Variants in ADH6 observed in about 807,000 individuals in gnomAD.
ADH6 encodes alcohol dehydrogenase 6 (class V).
ADH6 carries 34 observed loss-of-function variants against 36.5 expected under a neutral mutation model. The observed-to-expected ratio is 0.93, with a 90% confidence interval of 0.71 to 1.24. ADH6 has a LOEUF of 1.24. Among genes scored for constraint, ADH6 ranks in the 50% most tolerant of loss-of-function variants. The pLI is 0.00. For missense variants in ADH6, 440 were observed against 447.0 expected (o/e 0.98, Z 0.14); for synonymous variants, 161 against 155.5 (o/e 1.04, Z -0.26).
In ADH6 at chr4:99,210,307, GACAAA is replaced by G; in HGVS notation, c.351-14_351-10del. The G allele has an allele frequency of 6.2e-7, 1 of 1,609,958 alleles. No homozygotes were observed. Among genetic ancestry groups the G allele is most frequent in the Non-Finnish European group, 8.5e-7 (1 of 1,177,006 alleles). ...GTTGGGTTTTTGACTGTCTTTTATA[GACAAA>G]ACAAAAAACAAAACACAAAGTTTAT... is the stretch of plus-strand genomic sequence containing the variant. On this transcript the variant is annotated splice_polypyrimidine_tract_variant and intron_variant, in intron 4 of 8. Transcript: ENST00000394899.
In ADH6 at chr4:99,217,928, T is replaced by C. The variant is rs376599332; in HGVS notation, c.18+1207A>G. Among the ~76,000 whole-genome samples, 33 of 152,258 alleles carry C rather than the reference T, an allele frequency of 2.2e-4. 1 individual carries two copies. The highest frequency in any genetic ancestry group is 7.2e-4 in the African/African-American group (30 of 41,544). Reference sequence around the variant, plus strand: ...CATCAAATGGTGTCTCTTGGCAGATTGAGGTTGGAGAAGTTGTTGGTGGCA... The same window carrying C: ...CATCAAATGGTGTCTCTTGGCAGATCGAGGTTGGAGAAGTTGTTGGTGGCA... On this transcript the variant is annotated intron_variant, in intron 1 of 8. Transcript: ENST00000394899.
intron 1 of ADH6, among the ~76,000 whole-genome samples, chr4:99,217,078 C>T (rs944736196): frequency 1.3e-5 from 2 of 152,068 alleles, no homozygotes; most frequent in Non-Finnish European, 2.9e-5. Flanking sequence ...CTCTGTTGCC[C>T]AGGCTGGAGT....
intron 3 of ADH6, 147 bp from the exon 4 acceptor site, chr4:99,210,649 A>C (rs1360648338): frequency 3.1e-6 from 2 of 647,278 alleles, no homozygotes; most frequent in East Asian, 5.5e-5. Flanking sequence ...TACCACAAAG[A>C]ATATCAAATA....
chr4:99,210,355 A>G, intron 4 of ADH6, 57 bp from the exon 5 acceptor site: 4 of 1,597,836 alleles, frequency 2.5e-6, no homozygotes, highest in Non-Finnish European at 3.4e-6. Context: ...TAGAAAGCTT[A>G]GATCTTCTCC....
chr4:99,208,976 C>T lies in ADH6; in HGVS notation c.568-48G>A, dbSNP rs200974246. 15 of 1,571,320 alleles carry T rather than the reference C, an allele frequency of 9.5e-6. No homozygotes were observed. In the East Asian group the frequency reaches 3.1e-4, roughly 33 times the overall value. On this transcript the variant is annotated intron_variant, in intron 5 of 8. Transcript: ENST00000394899. ...CTCAGAAAACAAAAAGCAAAGAGAA[C>T]ATACACCTTTACTCAGTTGGGAAGG...
intron 7 of ADH6, 43 bp from the exon 8 acceptor site, chr4:99,205,106 A>G: frequency 6.6e-7 from 1 of 1,520,632 alleles, no homozygotes; most frequent in South Asian, 1.3e-5. Flanking sequence ...ATGAGGCTTC[A>G]TTATAAAGGA....
In ADH6 at chr4:99,216,168, C is replaced by A. The variant is rs372810923; in HGVS notation, c.113G>T (p.Arg38Leu). 3 of 1,180,778 alleles carry A rather than the reference C, an allele frequency of 2.5e-6. No individual in the cohort carries two copies. The African/African-American group carries it at 6.3e-5, about 25-fold the overall frequency. 73.1% of individuals were successfully genotyped at this position (1,180,778 alleles called of 1,614,324 possible). A position where few individuals can be genotyped will look rare whatever the true frequency, so the allele number is the denominator to read the frequency against. Residue 38 changes from arginine to leucine, a missense_variant, in exon 2 of 9, where the codon CGC becomes CTC. Coordinates refer to ENST00000394899, the MANE Select transcript of ADH6 (RefSeq NM_001102470.2). The part of the protein sequence containing the change: ...EVAPPKAKEV[R>L]IKVVATGLCG... ...TTTTTTTTTTTTTTTTACCTTTATGCGAACTTCCTTTGCCTTTGGTGGGGC... is the reference window on the plus strand; with the variant it reads ...TTTTTTTTTTTTTTTTACCTTTATGAGAACTTCCTTTGCCTTTGGTGGGGC...
chr4:99,210,470 A>G lies in ADH6; in HGVS notation c.295T>C (p.Cys99Arg). ...TTCAGGCAAGAGGTACATTCTCCAC[A>G]CTGTGGCAGAAAGAGTGTGATAACT... ...DKVITLFLPQ[C>R]GECTSCLNSE... Residue 99 changes from cysteine (C) to arginine (R), a missense_variant, in exon 4 of 9, where the codon TGT becomes CGT. Cys to Arg is a radical substitution (Grantham distance 180, BLOSUM62 -3). Transcript: ENST00000394899. The G allele has an allele frequency of 1.2e-6, 2 of 1,611,940 alleles. No homozygotes were observed. Among genetic ancestry groups the G allele is most frequent in the African/African-American group, 1.3e-5 (1 of 74,986 alleles).
chr4:99,216,252 C>A lies in ADH6; in HGVS notation c.29G>T (p.Cys10Phe). MSTTGQVIR[C>F]KAAILWKPGA... ...AGGCTTCCAGAGTATGGCTGCTTTG[C>A]ATCTGATGACCTGGGAAATAGAATA... The change falls in exon 2 of 9, where the codon TGC becomes TTC. Residue 10 changes from cysteine (C) to phenylalanine (F), a missense_variant. By Grantham distance (205) the Cys-to-Phe change is radical. Transcript: ENST00000394899. The A allele has an allele frequency of 1.9e-6, 3 of 1,564,572 alleles. No individual in the cohort carries two copies. The highest frequency in any genetic ancestry group is 1.2e-5 in the South Asian group (1 of 81,660).
intron 2 of ADH6, among the ~76,000 whole-genome samples, chr4:99,215,179 C>T (rs559533616): frequency 2.6e-5 from 4 of 152,208 alleles, no homozygotes; most frequent in East Asian, 1.9e-4. Context: ...GGAGTGGATG[C>T]GAACAACCCA....
At chr4:99,216,305 C>G (rs1188341379) in intron 1 of ADH6, 43 bp from the exon 2 acceptor site, 2 of 1,342,386 alleles carry the variant, frequency 1.5e-6, no homozygotes, top group East Asian at 4.9e-5. Context: ...GCTCCTTAAG[C>G]TTGGGAGTTG....
chr4:99,211,813 A>G (rs895719875), intron 3 of ADH6, among the ~76,000 whole-genome samples: 37 of 152,144 alleles, frequency 2.4e-4, no homozygotes, highest in African/African-American at 8.4e-4. Context: ...GGAAGGTGCC[A>G]CAGAAGAAGA....
chr4:99,205,212 C>G (rs972417066), intron 7 of ADH6, 149 bp from the exon 8 acceptor site: 5 of 739,872 alleles, frequency 6.8e-6, no homozygotes, highest in Middle Eastern at 3.7e-4. Flanking sequence ...AGAATGCCTA[C>G]CCCAACCACA....
In ADH6 at chr4:99,203,719, A is replaced by G. The variant is rs944089506; in HGVS notation, c.*500T>C. 4.6e-5 allele frequency: 7 copies of G among 152,358 alleles called. No homozygotes were observed. Among genetic ancestry groups the G allele is most frequent in the African/African-American group, 1.7e-4 (7 of 41,418 alleles). The allele number at this position is 152,358 out of a possible 1,614,324, so 9.4% of individuals were successfully genotyped here. A position where few individuals can be genotyped will look rare whatever the true frequency, so the allele number is the denominator to read the frequency against. On this transcript the variant is annotated 3_prime_UTR_variant, in exon 9 of 9. Coordinates refer to ENST00000394899, the MANE Select transcript of ADH6 (RefSeq NM_001102470.2). ...TGAATTTTCTTTGGCAATCCAGGAG[A>G]GGAGAGATTTGTGCCAAGGAGATAG...
intron 6 of ADH6, 150 bp downstream of exon 6, chr4:99,208,518 A>C (rs1263963636): frequency 3.8e-5 from 31 of 814,956 alleles, no homozygotes; most frequent in Non-Finnish European, 5.9e-5. Flanking sequence ...AATTTGTAAG[A>C]GTACACAGAC....
intron 5 of ADH6, 112 bp downstream of exon 5, chr4:99,209,970 A>T (rs1178197761): frequency 6.6e-6 from 7 of 1,057,848 alleles, no homozygotes; most frequent in Non-Finnish European, 9.8e-6. Flanking sequence ...GGATGTTTGG[A>T]GTCAGGCTTG....
chr4:99,213,701 C>T lies in ADH6; in HGVS notation c.167G>A (p.Ser56Asn). ...LCGTEMKVLG[S>N]KHLDLLYPTI... ...GGGATACAAGAGGTCCAAGTGTTTA[C>T]TCCCCAACACTTTCATCTCTGTACC... The change falls in exon 3 of 9, where the codon AGT (serine) becomes AAT (asparagine). Residue 56 changes from serine (S) to asparagine (N), a missense_variant. Physicochemically the swap from Ser to Asn is conservative, Grantham distance 46 (BLOSUM62 1). Coordinates refer to ENST00000394899, the MANE Select transcript of ADH6 (RefSeq NM_001102470.2). The T allele has an allele frequency of 6.2e-7, 1 of 1,613,848 alleles. No individual in the cohort carries two copies. Among genetic ancestry groups the T allele is most frequent in the Non-Finnish European group, 8.5e-7 (1 of 1,179,856 alleles).
At position 99,208,912 on chromosome 4, in the gene ADH6, G is replaced by A. The variant is rs1731131004; in HGVS notation, c.584C>T (p.Thr195Ile). The stretch of plus-strand genomic sequence containing the variant: ...TCCTCCCAGGCCAAACACAGCACAG[G>A]TAGAACCTGGAGTCACCTAAACACA... ...INTAKVTPGS[T>I]CAVFGLGGVG... is the part of the protein sequence containing the mutation. Residue 195 changes from threonine (T) to isoleucine (I), a missense_variant, in exon 6 of 9, where the codon ACC (threonine) becomes ATC (isoleucine). Physicochemically the swap from Thr to Ile is moderately conservative, Grantham distance 89 (BLOSUM62 -1). Coordinates refer to ENST00000394899, the MANE Select transcript of ADH6 (RefSeq NM_001102470.2). 1.2e-6 allele frequency: 2 copies of A among 1,613,212 alleles called. No individual in the cohort carries two copies. Among genetic ancestry groups the A allele is most frequent in the Admixed American group, 1.7e-5 (1 of 59,916 alleles).
chr4:99,208,934 C>A lies in ADH6; in HGVS notation c.568-6G>T. On this transcript the variant is annotated splice_polypyrimidine_tract_variant and splice_region_variant and intron_variant, in intron 5 of 8. Coordinates refer to ENST00000394899, the MANE Select transcript of ADH6 (RefSeq NM_001102470.2). ...CAGGTAGAACCTGGAGTCACCTAAA[C>A]ACATACAGGCAGAAAACTCAGAAAA... is the stretch of plus-strand genomic sequence containing the variant. 1.2e-6 allele frequency: 2 copies of A among 1,601,970 alleles called. No individual in the cohort carries two copies. The highest frequency in any genetic ancestry group is 2.2e-5 in the East Asian group (1 of 44,752).
Sources: allele counts gnomAD v4.1 joint callset (sites outside exome capture counted in the v4.1 genomes callset), GRCh38; gene constraint gnomAD v4.1.1; transcripts MANE v1.5; gene names NCBI Gene and HGNC (gene_info 2026-07-23, HGNC 2026-07-21).